The following PPP3CA variants were observed in gnomAD, a reference collection of about 807,000 sequenced individuals.
PPP3CA encodes CAM-PRP catalytic subunit.
In PPP3CA, 14 loss-of-function variants were observed where a neutral mutation model predicts 66.5. The ratio of observed to expected loss-of-function variants is 0.21; its 90% CI spans 0.14 to 0.33. PPP3CA has a LOEUF of 0.33. Among genes scored for constraint, PPP3CA ranks in the 10% least tolerant of loss-of-function variants. The pLI, the probability that PPP3CA is intolerant of heterozygous loss-of-function variation, is 1.00. For missense variants in PPP3CA, 317 were observed against 639.5 expected (o/e 0.50, Z 5.44); for synonymous variants, 232 against 226.2 (o/e 1.03, Z -0.23).
At chr4:101,287,366 C>T (rs1727876106) in intron 1 of PPP3CA, among the ~76,000 whole-genome samples, 1 of 152,170 alleles carries the variant, frequency 6.6e-6, no homozygotes, top group African/African-American at 2.4e-5. Flanking sequence ...TTAATGTGTA[C>T]ATTTAGAGTG....
chr4:101,058,324 A>G (rs1224095597), intron 10 of PPP3CA, among the ~76,000 whole-genome samples: 1 of 152,184 alleles, frequency 6.6e-6, no homozygotes, highest in East Asian at 1.9e-4. Context: ...AAAGCAGAAG[A>G]AACTGTTCAG....
At chr4:101,286,216 GC>G (rs1553938539) in intron 1 of PPP3CA, among the ~76,000 whole-genome samples, 1 of 152,196 alleles carries the variant, frequency 6.6e-6, no homozygotes, top group Non-Finnish European at 1.5e-5. Context: ...AGTAATGCTT[GC>G]TGGCCAGCCA....
chr4:101,161,212 T>C (rs1723496355), intron 2 of PPP3CA, among the ~76,000 whole-genome samples: 1 of 152,176 alleles, frequency 6.6e-6, no homozygotes, highest in South Asian at 2.1e-4. Context: ...CTGTATCAGC[T>C]ATATCATCTA....
At chr4:101,246,386 GAACA>G (rs969587551) in intron 1 of PPP3CA, among the ~76,000 whole-genome samples, 2 of 152,198 alleles carry the variant, frequency 1.3e-5, no homozygotes, top group Non-Finnish European at 2.9e-5. Context: ...GAAGTCATAT[GAACA>G]ACTATGGCAA....
rs1727663786 is a variant in PPP3CA at position 101,044,232 on chromosome 4, A to AT, written c.1157-3667dup. ...AGTATTGCTATTCCAGGTTTTCGGT[A>AT]TTTTCCAGAGATCATTAAAACTCTT... On this transcript the variant is annotated intron_variant, in intron 10 of 13. Transcript: ENST00000394854. Among the ~76,000 whole-genome samples the AT allele has an allele frequency of 2.6e-5, 4 of 152,290 alleles. No individual in the cohort carries two copies. The South Asian group carries it at 8.3e-4, about 32-fold the overall frequency.
intron 8 of PPP3CA, 58 bp downstream of exon 8, chr4:101,080,474 G>C: frequency 1.0e-6 from 1 of 974,444 alleles, no homozygotes; most frequent in South Asian, 3.1e-5. Flanking sequence ...AAATAAAACG[G>C]CTTAAGAATT....
intron 1 of PPP3CA, among the ~76,000 whole-genome samples, chr4:101,309,210 A>G (rs1728641365): frequency 6.6e-6 from 1 of 152,152 alleles, no homozygotes; most frequent in South Asian, 2.1e-4. Context: ...CTGTACTTTG[A>G]TAGCAAGGCC....
chr4:101,122,946 A>C (rs372558868), intron 2 of PPP3CA, among the ~76,000 whole-genome samples: 53 of 152,316 alleles, frequency 3.5e-4, no homozygotes, highest in African/African-American at 1.1e-3. Context: ...TGATGGTGGC[A>C]GTGTGAAAAG....
At chr4:101,181,022 A>C (rs899097132) in intron 2 of PPP3CA, among the ~76,000 whole-genome samples, 1 of 152,138 alleles carries the variant, frequency 6.6e-6, no homozygotes, top group African/African-American at 2.4e-5. Flanking sequence ...ACTACATTCC[A>C]GGTGAGTGAC....
intron 2 of PPP3CA, among the ~76,000 whole-genome samples, chr4:101,127,813 T>C (rs1023328124): frequency 6.6e-6 from 1 of 150,750 alleles, no homozygotes; most frequent in Non-Finnish European, 1.5e-5. Context: ...CTAAGCATTT[T>C]GGATGAAATA....
At chr4:101,301,398 AC>A (rs1188470689) in intron 1 of PPP3CA, among the ~76,000 whole-genome samples, 1 of 148,632 alleles carries the variant, frequency 6.7e-6, no homozygotes, top group Non-Finnish European at 1.5e-5. Context: ...AGTAATGTTA[AC>A]AACCATTATG....
intron 1 of PPP3CA, among the ~76,000 whole-genome samples, chr4:101,335,537 T>C (rs1729596636): frequency 7.0e-6 from 1 of 142,762 alleles, no homozygotes; most frequent in East Asian, 1.9e-4. Flanking sequence ...GCGTCTGCTA[T>C]CTAGGTTTTA....
At chr4:101,129,651 G>A (rs1047152090) in intron 2 of PPP3CA, among the ~76,000 whole-genome samples, 2 of 152,170 alleles carry the variant, frequency 1.3e-5, no homozygotes, top group African/African-American at 2.4e-5. Context: ...TGCAGCAGAG[G>A]GGCCTGACTG....
intron 1 of PPP3CA, among the ~76,000 whole-genome samples, chr4:101,330,760 A>C (rs957676891): frequency 3.3e-5 from 5 of 152,218 alleles, no homozygotes; most frequent in African/African-American, 1.2e-4. Flanking sequence ...AAAGGCTAAC[A>C]GTGTACAATA....
intron 1 of PPP3CA, among the ~76,000 whole-genome samples, chr4:101,268,314 C>T (rs997902107): frequency 6.6e-6 from 1 of 152,092 alleles, no homozygotes; most frequent in Non-Finnish European, 1.5e-5. Flanking sequence ...ACCTAATCAT[C>T]GGTGAGAGAA....
chr4:101,312,588 T>A (rs956018793), intron 1 of PPP3CA, among the ~76,000 whole-genome samples: 6 of 152,138 alleles, frequency 3.9e-5, no homozygotes, highest in African/African-American at 1.4e-4. Context: ...CGTTCATTTT[T>A]CAAATGTTCA....
intron 2 of PPP3CA, among the ~76,000 whole-genome samples, chr4:101,147,624 T>G (rs1723011662): frequency 6.6e-6 from 1 of 152,152 alleles, no homozygotes; most frequent in Non-Finnish European, 1.5e-5. Context: ...AGAGCTATTC[T>G]TTTAAAACTG....
chr4:101,124,731 G>GAAAGAAAGAA (rs1560614496), intron 2 of PPP3CA, among the ~76,000 whole-genome samples: 14 of 60,538 alleles, frequency 2.3e-4, no homozygotes, highest in African/African-American at 9.7e-4. Context: ...GAAAGAGAAA[G>GAAAGAAAGAA]AAAGAAAGAA....
chr4:101,171,015 T>A (rs1380568688), intron 2 of PPP3CA: 2 of 305,524 alleles, frequency 6.5e-6, no homozygotes, highest in Non-Finnish European at 1.3e-5. Flanking sequence ...AACTAGCATC[T>A]ACAGGAATAC....
Sources: allele counts gnomAD v4.1 joint callset (sites outside exome capture counted in the v4.1 genomes callset), GRCh38; gene constraint gnomAD v4.1.1; transcripts MANE v1.5; gene names NCBI Gene and HGNC (gene_info 2026-07-23, HGNC 2026-07-21).